The following BAZ2B variants were observed in gnomAD, a reference collection of about 807,000 sequenced individuals.
The protein encoded by BAZ2B is bromodomain adjacent to zinc finger domain protein 2B.
Under a neutral mutation model 246.0 loss-of-function variants are expected in BAZ2B, and 91 were observed. The ratio of observed to expected loss-of-function variants is 0.37; its 90% CI spans 0.31 to 0.44. BAZ2B has a LOEUF of 0.44. Among genes scored for constraint, BAZ2B ranks in the 20% least tolerant of loss-of-function variants. The pLI is 1.00. For missense variants in BAZ2B, 2,332 were observed against 2,533.7 expected, an observed-to-expected ratio of 0.92 and a Z score of 1.71; for synonymous variants, 855 against 860.0, an observed-to-expected ratio of 0.99 and a Z score of 0.10.
chr2:159,448,238 A>T lies in BAZ2B; in HGVS notation c.502+4T>A, dbSNP rs1239588515. The T allele has an allele frequency of 6.2e-7, 1 of 1,610,652 alleles. No individual in the cohort carries two copies. Among genetic ancestry groups the T allele is most frequent in the Admixed American group, 1.7e-5 (1 of 58,812 alleles). On this transcript the variant is annotated splice_donor_region_variant and intron_variant, in intron 5 of 36. Coordinates refer to ENST00000392783, the MANE Select transcript of BAZ2B (RefSeq NM_013450.4). ...TAGTACTTCACTTATGTAAATGTGG[A>T]TACCTTTTTCGGGACCATTTCGATT...
the BAZ2B span, among the ~76,000 whole-genome samples, chr2:159,703,263 A>ATT: frequency 2.5e-4 from 37 of 146,876 alleles, no homozygotes; most frequent in Admixed American, 1.4e-3. Flanking sequence ...AATTTTTGTT[A>ATT]TTTTTTTTTT....
intron 2 of BAZ2B, among the ~76,000 whole-genome samples, chr2:159,552,345 T>C (rs2088388418): frequency 6.6e-6 from 1 of 152,146 alleles, no homozygotes; most frequent in African/African-American, 2.4e-5. Flanking sequence ...AATTTGTAAG[T>C]AAGGTAAATT....
At chr2:159,362,978 G>T (rs1486638851) in intron 27 of BAZ2B, among the ~76,000 whole-genome samples, 1 of 152,166 alleles carries the variant, frequency 6.6e-6, no homozygotes, top group South Asian at 2.1e-4. Flanking sequence ...ACAGGAGCCT[G>T]AGTGAGAACA....
At chr2:159,395,120 G>A (rs1033349824) in intron 20 of BAZ2B, among the ~76,000 whole-genome samples, 4 of 152,116 alleles carry the variant, frequency 2.6e-5, no homozygotes, top group Admixed American at 2.6e-4. Context: ...GCTTGAAAAT[G>A]TCAAGCAAAT....
chr2:159,373,273 T>C, intron 26 of BAZ2B, 84 bp from the exon 27 acceptor site: 4 of 1,274,352 alleles, frequency 3.1e-6, no homozygotes, highest in Non-Finnish European at 4.2e-6. Context: ...ATACTTATTG[T>C]ACCTTTAAGC....
At chr2:159,571,589 G>A (rs1661393038) in intron 1 of BAZ2B, among the ~76,000 whole-genome samples, 1 of 152,174 alleles carries the variant, frequency 6.6e-6, no homozygotes, top group African/African-American at 2.4e-5. Flanking sequence ...CCAGAGAGGG[G>A]AAAGGGGCTG....
At chr2:159,480,240 T>C (rs1370966957) in intron 2 of BAZ2B, among the ~76,000 whole-genome samples, 1 of 152,088 alleles carries the variant, frequency 6.6e-6, no homozygotes, top group Non-Finnish European at 1.5e-5. Context: ...GCTACGTAAA[T>C]ATACTATGTA....
At chr2:159,644,515 GCTGGT>G in the BAZ2B span, among the ~76,000 whole-genome samples, 1 of 152,174 alleles carries the variant, frequency 6.6e-6, no homozygotes, top group East Asian at 1.9e-4. Flanking sequence ...TTAGGCTAGT[GCTGGT>G]AGTAGCAGCA....
intron 2 of BAZ2B, among the ~76,000 whole-genome samples, chr2:159,500,142 T>C (rs987141851): frequency 2.0e-5 from 3 of 152,196 alleles, no homozygotes; most frequent in Admixed American, 6.5e-5. Context: ...AGGGTTTTTA[T>C]AGTTTTGGGT....
chr2:159,626,859 A>C, the BAZ2B span, among the ~76,000 whole-genome samples: 7 of 152,238 alleles, frequency 4.6e-5, no homozygotes, highest in Admixed American at 4.6e-4. Context: ...AAACCCTTCA[A>C]AAAATCAATG....
chr2:159,330,116 T>C (rs747785630), intron 34 of BAZ2B, among the ~76,000 whole-genome samples: 2 of 152,332 alleles, frequency 1.3e-5, no homozygotes, highest in East Asian at 3.9e-4. Context: ...TATGATGCCA[T>C]GTAAGACCAC....
chr2:159,469,251 G>GA (rs780191627), intron 3 of BAZ2B, among the ~76,000 whole-genome samples: 3 of 151,914 alleles, frequency 2.0e-5, no homozygotes, highest in East Asian at 3.9e-4. Flanking sequence ...AACGATGAAA[G>GA]AAAAAATCTC....
chr2:159,642,383 G>A, the BAZ2B span, among the ~76,000 whole-genome samples: 9 of 151,842 alleles, frequency 5.9e-5, no homozygotes, highest in African/African-American at 2.2e-4. Flanking sequence ...GATTATAGGT[G>A]CCAGCCACCA....
intron 1 of BAZ2B, among the ~76,000 whole-genome samples, chr2:159,591,679 A>G (rs1689422618): frequency 6.6e-6 from 1 of 152,212 alleles, no homozygotes; most frequent in African/African-American, 2.4e-5. Flanking sequence ...TAACTTTTCT[A>G]GAAATTTGAT....
At chr2:159,401,752 A>G (rs1314637065) in intron 16 of BAZ2B, among the ~76,000 whole-genome samples, 3 of 152,184 alleles carry the variant, frequency 2.0e-5, no homozygotes, top group East Asian at 1.9e-4. Context: ...AACTTAAAAA[A>G]TTATCTCATA....
intron 13 of BAZ2B, among the ~76,000 whole-genome samples, chr2:159,414,126 C>T (rs1476501231): frequency 1.3e-5 from 2 of 152,114 alleles, no homozygotes; most frequent in Non-Finnish European, 2.9e-5. Flanking sequence ...ATGGATGGAA[C>T]TAGAGAATAT....
At chr2:159,690,258 C>G in the BAZ2B span, 12 of 361,344 alleles carry the variant, frequency 3.3e-5, no homozygotes, top group African/African-American at 6.5e-5. Context: ...AATAGATCAG[C>G]CACTTTCGTC....
intron 8 of BAZ2B, among the ~76,000 whole-genome samples, chr2:159,436,673 C>T (rs2072387690): frequency 6.6e-6 from 1 of 152,136 alleles, no homozygotes; most frequent in Admixed American, 6.5e-5. Flanking sequence ...ATGGCGTGAA[C>T]CCAGGAGGTG....
chr2:159,631,853 G>A, the BAZ2B span, among the ~76,000 whole-genome samples: 1 of 151,938 alleles, frequency 6.6e-6, no homozygotes, highest in Non-Finnish European at 1.5e-5. Context: ...ATTTCAAATG[G>A]TACATGCAAA....
Sources: allele counts gnomAD v4.1 joint callset (sites outside exome capture counted in the v4.1 genomes callset), GRCh38; gene constraint gnomAD v4.1.1; transcripts MANE v1.5; gene names NCBI Gene and HGNC (gene_info 2026-07-23, HGNC 2026-07-21).